The following GATB variants were observed in gnomAD, a reference collection of about 807,000 sequenced individuals.
The protein encoded by GATB is glutamyl-tRNA(Gln) amidotransferase subunit B, mitochondrial.
A neutral mutation model predicts 62.3 loss-of-function variants in GATB; 39 were observed. The ratio of observed to expected loss-of-function variants is 0.63; its 90% CI spans 0.48 to 0.82. GATB has a LOEUF of 0.82. GATB is among the 40% of genes least tolerant of loss of function. The probability of loss-of-function intolerance (pLI) is 0.00; values close to 1 mark genes in which losing one functional copy is unlikely to be tolerated. For synonymous variants in GATB, 276 were observed against 258.9 expected (o/e 1.07, Z -0.63); for missense variants, 670 against 684.0 (o/e 0.98, Z 0.23).
intron 2 of GATB, among the ~76,000 whole-genome samples, chr4:151,746,395 A>T (rs1311151765): frequency 6.6e-6 from 1 of 152,216 alleles, no homozygotes; most frequent in African/African-American, 2.4e-5. Context: ...AAGTATTACA[A>T]GTAGAAAAAT....
chr4:151,678,135 A>C (rs1377644089), intron 11 of GATB, among the ~76,000 whole-genome samples: 1 of 152,202 alleles, frequency 6.6e-6, no homozygotes, highest in Non-Finnish European at 1.5e-5. Context: ...CAAGGCAATG[A>C]TACATCACGG....
rs2126949229 is a variant in GATB at position 151,671,318 on chromosome 4, T to TTACC, written c.1546-17_1546-16insGGTA. On this transcript the variant is annotated splice_polypyrimidine_tract_variant and intron_variant, in intron 12 of 12. Coordinates refer to ENST00000263985, the MANE Select transcript of GATB (RefSeq NM_004564.3). Reference sequence around the variant, plus strand: ...CATCCATTACCTAGAAGGACAGAAATTACTTACTTAAGAGGAGAAAATGAA... The same window carrying TTACC: ...CATCCATTACCTAGAAGGACAGAAATTACCTACTTACTTAAGAGGAGAAAATGAA... 1 of 1,489,308 alleles carries TTACC rather than the reference T, an allele frequency of 6.7e-7. No individual in the cohort carries two copies. The highest frequency in any genetic ancestry group is 8.9e-7 in the Non-Finnish European group (1 of 1,128,056). 92.3% of individuals were successfully genotyped at this position (1,489,308 alleles called of 1,614,324 possible). A position where few individuals can be genotyped will look rare whatever the true frequency, so the allele number is the denominator to read the frequency against.
intron 9 of GATB, among the ~76,000 whole-genome samples, chr4:151,693,225 T>C (rs1034355284): frequency 6.6e-5 from 10 of 151,062 alleles, no homozygotes; most frequent in Non-Finnish European, 1.0e-4. Context: ...GTGCTGGGGA[T>C]GGCAATGAAG....
chr4:151,760,895 C>T lies in GATB; in HGVS notation c.88G>A (p.Ala30Thr). The change falls in exon 1 of 13, where the codon GCT (alanine) becomes ACT (threonine). Residue 30 changes from alanine to threonine, a missense_variant. Coordinates refer to ENST00000263985, the MANE Select transcript of GATB (RefSeq NM_004564.3). ...VDGGSCHRRG[A>T]PTGSTSNQIR... is the part of the protein sequence containing the mutation. The stretch of plus-strand genomic sequence containing the variant: ...TGGTTGGATGTGGACCCAGTCGGAG[C>T]CCCTCTTCGGTGGCAAGAACCACCG... 1 of 1,614,086 alleles carries T rather than the reference C, an allele frequency of 6.2e-7. No individual in the cohort carries two copies. Among genetic ancestry groups the T allele is most frequent in the Non-Finnish European group, 8.5e-7 (1 of 1,179,970 alleles).
At chr4:151,714,029 A>G (rs1057172138) in intron 5 of GATB, among the ~76,000 whole-genome samples, 1 of 152,236 alleles carries the variant, frequency 6.6e-6, no homozygotes, top group Non-Finnish European at 1.5e-5. Context: ...AAATGTTCCA[A>G]CTGATAGATA....
At chr4:151,714,965 T>C (rs1414916348) in intron 5 of GATB, among the ~76,000 whole-genome samples, 4 of 152,254 alleles carry the variant, frequency 2.6e-5, no homozygotes, top group African/African-American at 9.6e-5. Flanking sequence ...AAGCAAGTTC[T>C]GTCCTCAGAT....
intron 2 of GATB, among the ~76,000 whole-genome samples, chr4:151,731,722 C>G (rs2126986441): frequency 1.3e-5 from 2 of 151,898 alleles, no homozygotes; most frequent in African/African-American, 4.8e-5. Flanking sequence ...CGCCTCTGCC[C>G]CGCTGCCCCG....
chr4:151,672,608 C>A (rs1181007835), intron 12 of GATB, 154 bp downstream of exon 12: 7 of 740,430 alleles, frequency 9.5e-6, no homozygotes, highest in South Asian at 8.0e-5. Context: ...TCTCTTCTGA[C>A]CTTAACTAAA....
At position 151,683,657 on chromosome 4, in the gene GATB, C is replaced by T. The variant is rs556392066; in HGVS notation, c.1332-3766G>A. Reference sequence around the variant, plus strand: ...CAAACTTCTGGAAAGAGCTAGGGTGCGCATATTTGAGGCTTGGTGAGTGCC... The same window carrying T: ...CAAACTTCTGGAAAGAGCTAGGGTGTGCATATTTGAGGCTTGGTGAGTGCC... On this transcript the variant is annotated intron_variant, in intron 10 of 12. Transcript: ENST00000263985. Among the ~76,000 whole-genome samples, 16 of 152,308 alleles carry T rather than the reference C, an allele frequency of 1.1e-4. No homozygotes were observed. In the East Asian group the frequency reaches 1.2e-3, roughly 11 times the overall value.
intron 2 of GATB, chr4:151,719,821 A>G (rs928926693): frequency 3.4e-6 from 1 of 296,006 alleles, no homozygotes; most frequent in South Asian, 4.3e-5. Context: ...GCTAACAGGA[A>G]GAGTCGCAGA....
chr4:151,701,196 G>A (rs965711976), intron 9 of GATB, 133 bp downstream of exon 9: 3 of 516,042 alleles, frequency 5.8e-6, no homozygotes, highest in Non-Finnish European at 9.7e-6. Context: ...CTTCTCAGTA[G>A]CATCTATAGT....
At chr4:151,705,140 C>T in intron 7 of GATB, 45 bp downstream of exon 7, 2 of 1,391,586 alleles carry the variant, frequency 1.4e-6, no homozygotes, top group East Asian at 2.3e-5. Context: ...AGCCCTCTCG[C>T]ACCACCCCCG....
At chr4:151,754,262 C>A (rs1293558028) in intron 2 of GATB, among the ~76,000 whole-genome samples, 1 of 152,180 alleles carries the variant, frequency 6.6e-6, no homozygotes, top group Non-Finnish European at 1.5e-5. Context: ...ACATGGAAAA[C>A]GTTTCAGTTT....
At chr4:151,671,625 G>C (rs1737863871) in intron 12 of GATB, among the ~76,000 whole-genome samples, 2 of 152,194 alleles carry the variant, frequency 1.3e-5, no homozygotes, top group Non-Finnish European at 2.9e-5. Flanking sequence ...GTCTGGGGAG[G>C]GATAATCTCT....
chr4:151,710,368 A>C (rs1199540059), intron 5 of GATB, among the ~76,000 whole-genome samples: 1 of 152,126 alleles, frequency 6.6e-6, no homozygotes, highest in Non-Finnish European at 1.5e-5. Context: ...CCCAAAACCT[A>C]TTCCCTTGAA....
Position 151,760,913 on chromosome 4 carries a change from A to C in GATB, c.70T>G (p.Ser24Ala). Residue 24 changes from serine to alanine, a missense_variant, in exon 1 of 13, where the codon TCT (serine) becomes GCT (alanine). By Grantham distance (99) the Ser-to-Ala change is moderately conservative. Transcript: ENST00000263985. ...GTCGGAGCCCCTCTTCGGTGGCAAG[A>C]ACCACCGTCAACCCGGGCGAAAGCC... ...RWAFARVDGG[S>A]CHRRGAPTGS... is the part of the protein sequence containing the mutation. 1 of 1,613,956 alleles carries C rather than the reference A, an allele frequency of 6.2e-7. No homozygotes were observed.
chr4:151,683,860 A>G (rs6846759), intron 10 of GATB, among the ~76,000 whole-genome samples: 16,260 of 152,286 alleles, frequency 0.11, 902 homozygotes, highest in Non-Finnish European at 0.12. Context: ...TCTGTCTCAA[A>G]TGATGACAAC....
chr4:151,688,819 G>A, intron 9 of GATB, 56 bp from the exon 10 acceptor site: 1 of 1,527,296 alleles, frequency 6.5e-7, no homozygotes, highest in Non-Finnish European at 8.8e-7. Flanking sequence ...TGAAAGATCA[G>A]CATTCTGAAG....
chr4:151,695,792 C>G (rs887942905), intron 9 of GATB, among the ~76,000 whole-genome samples: 1 of 152,116 alleles, frequency 6.6e-6, no homozygotes, highest in African/African-American at 2.4e-5. Context: ...GGGTCTCTCT[C>G]TGTTGCCCAG....
Sources: gnomAD v4.1 joint callset for allele counts (sites outside exome capture counted in the v4.1 genomes callset) on GRCh38, gnomAD v4.1.1 for gene constraint, MANE v1.5 for transcripts, NCBI Gene and HGNC (gene_info 2026-07-23, HGNC 2026-07-21) for gene names.